PCDHGA1: variants seen among roughly 807,000 people sequenced by gnomAD.
PCDHGA1 encodes protocadherin gamma subfamily A, 1.
A neutral mutation model predicts 58.0 loss-of-function variants in PCDHGA1; 32 were observed. The observed-to-expected ratio is 0.55, with a 90% CI of 0.42 to 0.74. The LOEUF is 0.74. Among genes scored for constraint, PCDHGA1 ranks in the 30% least tolerant of loss-of-function variants. The probability of loss-of-function intolerance (pLI) is 0.00; values close to 1 mark genes in which losing one functional copy is unlikely to be tolerated. For missense variants in PCDHGA1, 1,205 were observed against 1,182.3 expected, an observed-to-expected ratio of 1.02 and a Z score of -0.28; for synonymous variants, 498 against 501.1, an observed-to-expected ratio of 0.99 and a Z score of 0.08.
intron 1 of PCDHGA1, chr5:141,421,970 A>G (rs2096615419): frequency 1.2e-6 from 2 of 1,610,810 alleles, no homozygotes; most frequent in Non-Finnish European, 1.7e-6. Context: ...CAGTCCGTAT[A>G]TCGCGTGAGT....
At chr5:141,399,653 TG>T in intron 1 of PCDHGA1, 1 of 1,613,606 alleles carries the variant, frequency 6.2e-7, no homozygotes, top group Non-Finnish European at 8.5e-7. Flanking sequence ...CAAAGTGGGG[TG>T]GTGTTCGCGC....
rs1344998245 is a variant in PCDHGA1 at position 141,400,678 on chromosome 5, T to C, written c.2421+67573T>C. 7.9e-6 allele frequency: 7 copies of C among 881,884 alleles called. No homozygotes were observed. The East Asian group carries it at 1.5e-4, about 19-fold the overall frequency. The allele number at this position is 881,884 out of a possible 1,614,324, so 54.6% of individuals were successfully genotyped here. On this transcript the variant is annotated intron_variant, in intron 1 of 3. Coordinates refer to ENST00000517417, the MANE Select transcript of PCDHGA1 (RefSeq NM_018912.3). ...ACCATTCTTTAAGAGGAGCAGTAAA[T>C]TGTGAGTTTTTATGTCGCATAAAAG...
At chr5:141,447,178 C>T (rs1258561542) in intron 1 of PCDHGA1, among the ~76,000 whole-genome samples, 2 of 152,094 alleles carry the variant, frequency 1.3e-5, no homozygotes, top group Middle Eastern at 3.4e-3. Context: ...TTGCTCTTGT[C>T]GCGCAGGCTG....
chr5:141,484,004 G>C (rs1042457090), intron 1 of PCDHGA1, among the ~76,000 whole-genome samples: 5 of 146,164 alleles, frequency 3.4e-5, no homozygotes, highest in Non-Finnish European at 4.5e-5. Flanking sequence ...AGGTCTGGAT[G>C]AGGGTGGGGG....
intron 1 of PCDHGA1, chr5:141,384,552 C>T (rs752995629): frequency 3.7e-6 from 6 of 1,614,148 alleles, no homozygotes; most frequent in Admixed American, 3.3e-5. Flanking sequence ...TGAGCCTGTT[C>T]GTGCTGGACC....
intron 1 of PCDHGA1, chr5:141,400,717 G>A: frequency 1.5e-6 from 1 of 672,320 alleles, no homozygotes; most frequent in Non-Finnish European, 2.5e-6. Context: ...TAGCCTTATA[G>A]ATTTACAAAG....
At chr5:141,361,645 T>C (rs1384236598) in intron 1 of PCDHGA1, 6 of 1,613,820 alleles carry the variant, frequency 3.7e-6, no homozygotes, top group Non-Finnish European at 5.1e-6. Context: ...GATTTTATCC[T>C]ACGTGTCCGT....
intron 1 of PCDHGA1, among the ~76,000 whole-genome samples, chr5:141,444,058 C>A (rs2154560450): frequency 6.8e-6 from 1 of 147,774 alleles, no homozygotes; most frequent in East Asian, 2.0e-4. Context: ...CATCTTCAAT[C>A]TAGATTCTGA....
intron 1 of PCDHGA1, chr5:141,345,210 A>G (rs1268180575): frequency 1.2e-6 from 2 of 1,613,962 alleles, no homozygotes; most frequent in Non-Finnish European, 1.7e-6. Context: ...TCTGCCATTT[A>G]AGTTAGAAAA....
Position 141,511,207 on chromosome 5 carries a change from T to A in PCDHGA1, c.*34T>A, listed in dbSNP as rs773761839. ...CCAGGCCAAGAGCCACAGGGCGGCC[T>A]CTCCCCAACCAGCCCAGCTTCTCCT... On this transcript the variant is annotated 3_prime_UTR_variant, in exon 4 of 4. Transcript: ENST00000517417. 1 of 1,611,162 alleles carries A rather than the reference T, an allele frequency of 6.2e-7. No individual in the cohort carries two copies. The highest frequency in any genetic ancestry group is 1.1e-5 in the South Asian group (1 of 90,702).
In PCDHGA1 at chr5:141,489,365, G is replaced by A. The variant is rs774363104; in HGVS notation, c.2422-5442G>A. ...TCAGTGGTGGAGGAGTCTGAGCCGG[G>A]GACGCTGGTGGGGAATGTTGCTCAG... On this transcript the variant is annotated intron_variant, in intron 1 of 3. Transcript: ENST00000517417. The surrounding 1 kb of genome is among the most constrained non-coding windows in gnomAD (Gnocchi z 4.5). The A allele has an allele frequency of 6.2e-7, 1 of 1,613,512 alleles. No individual in the cohort carries two copies.
At chr5:141,339,616 T>A in intron 1 of PCDHGA1, 1 of 1,614,216 alleles carries the variant, frequency 6.2e-7, no homozygotes, top group South Asian at 1.1e-5. Context: ...TCGTGGCTTC[T>A]GATGGGGGTG....
chr5:141,408,461 A>G, intron 1 of PCDHGA1: 4 of 1,614,044 alleles, frequency 2.5e-6, no homozygotes, highest in Non-Finnish European at 3.4e-6. Context: ...CTTACTTGTG[A>G]AGAACCGAAT....
At chr5:141,404,123 T>A (rs1477938356) in intron 1 of PCDHGA1, 4 of 1,613,394 alleles carry the variant, frequency 2.5e-6, no homozygotes, top group Admixed American at 1.7e-5. Context: ...GGAGAATCTA[T>A]CTTTTACATT....
intron 1 of PCDHGA1, chr5:141,389,294 A>C: frequency 1.2e-6 from 2 of 1,613,964 alleles, no homozygotes; most frequent in Non-Finnish European, 8.5e-7. Flanking sequence ...CCTCTATTTC[A>C]CAAGTCAGGG....
chr5:141,355,881 G>A (rs1338727421), intron 1 of PCDHGA1: 1 of 1,613,360 alleles, frequency 6.2e-7, no homozygotes, highest in East Asian at 2.2e-5. Context: ...GCACTGCCAG[G>A]ATTCTCATAA....
chr5:141,388,314 G>A (rs752079289), intron 1 of PCDHGA1: 4 of 1,613,824 alleles, frequency 2.5e-6, no homozygotes, highest in South Asian at 1.1e-5. Context: ...GCAAATAAGT[G>A]AGTCTGCACA....
chr5:141,504,461 C>T (rs1485490028), intron 2 of PCDHGA1, among the ~76,000 whole-genome samples: 1 of 151,900 alleles, frequency 6.6e-6, no homozygotes, highest in Non-Finnish European at 1.5e-5. Flanking sequence ...GTGGGGCAGC[C>T]GCTGGGATGG....
chr5:141,342,270 T>A (rs1477163731), intron 1 of PCDHGA1: 1 of 152,222 alleles, frequency 6.6e-6, no homozygotes, highest in Non-Finnish European at 1.5e-5. Context: ...TCTCAAGGTT[T>A]CTACTCACAA....
Sources: allele counts gnomAD v4.1 joint callset (sites outside exome capture counted in the v4.1 genomes callset), GRCh38; gene constraint gnomAD v4.1.1; non-coding constraint Gnocchi (gnomAD v3.1); transcripts MANE v1.5; gene names NCBI Gene and HGNC (gene_info 2026-07-23, HGNC 2026-07-21).